The following TBC1D14 variants were observed in gnomAD, a reference collection of about 807,000 sequenced individuals.
TBC1D14 encodes the protein TBC1 domain family, member 14.
A neutral mutation model predicts 79.0 loss-of-function variants in TBC1D14; 26 were observed. That is an observed-to-expected ratio of 0.33 (90% CI 0.24 to 0.46). The LOEUF (loss-of-function observed/expected upper bound fraction) is 0.46. Ranked by LOEUF, TBC1D14 falls within the 20% of genes least tolerant of loss-of-function variation. The pLI is 1.00. For missense variants in TBC1D14, 769 were observed against 887.6 expected (o/e 0.87, Z 1.70); for synonymous variants, 394 against 349.9 (o/e 1.13, Z -1.40).
chr4:6,940,715 G>A (rs962011754), intron 2 of TBC1D14, among the ~76,000 whole-genome samples: 1 of 152,208 alleles, frequency 6.6e-6, no homozygotes, highest in Non-Finnish European at 1.5e-5. Context: ...AGAGAGTGCA[G>A]TCATAGAGCC....
intron 10 of TBC1D14, 129 bp downstream of exon 10, chr4:7,010,077 T>C (rs555033593): frequency 9.7e-7 from 1 of 1,027,578 alleles, no homozygotes; most frequent in Admixed American, 1.8e-5. Context: ...AAAAGTCTCG[T>C]GGTAAGTGAG....
At chr4:6,985,771 C>A (rs918938499) in intron 3 of TBC1D14, among the ~76,000 whole-genome samples, 1 of 152,180 alleles carries the variant, frequency 6.6e-6, no homozygotes, top group East Asian at 1.9e-4. Flanking sequence ...AGAATAACCC[C>A]TACTCCTGCT....
chr4:6,954,180 G>T, intron 2 of TBC1D14: 1 of 659,406 alleles, frequency 1.5e-6, no homozygotes, highest in South Asian at 1.6e-5. Flanking sequence ...GCGAGGGGCG[G>T]GGCTCCGAGT....
At chr4:6,917,417 G>T (rs1207231005) in intron 1 of TBC1D14, among the ~76,000 whole-genome samples, 1 of 152,154 alleles carries the variant, frequency 6.6e-6, no homozygotes, top group Non-Finnish European at 1.5e-5. Flanking sequence ...AGCCCAGGAG[G>T]AAGGAGGCCT....
intron 12 of TBC1D14, 39 bp downstream of exon 12, chr4:7,014,596 C>G: frequency 7.2e-7 from 1 of 1,397,278 alleles, no homozygotes; most frequent in Non-Finnish European, 1.0e-6. Flanking sequence ...GAGCATTTCT[C>G]AGCCCTTGTC....
At chr4:6,915,350 G>C (rs546920500) in intron 1 of TBC1D14, among the ~76,000 whole-genome samples, 9 of 152,316 alleles carry the variant, frequency 5.9e-5, no homozygotes, top group Admixed American at 2.6e-4. Flanking sequence ...TGCGACCGGG[G>C]TAGGGGGTTG....
chr4:6,930,619 G>A (rs1418246145), intron 2 of TBC1D14, among the ~76,000 whole-genome samples: 2 of 152,024 alleles, frequency 1.3e-5, no homozygotes, highest in African/African-American at 2.4e-5. Context: ...CTAACATGGC[G>A]AAACTCCATC....
intron 1 of TBC1D14, among the ~76,000 whole-genome samples, chr4:6,916,740 A>G (rs1365167119): frequency 1.3e-5 from 2 of 152,184 alleles, no homozygotes; most frequent in African/African-American, 2.4e-5. Context: ...TGGAATGGAA[A>G]CAGTCTTCCT....
chr4:6,996,412 T>C lies in TBC1D14; in HGVS notation c.1045+5T>C. 6.2e-7 allele frequency: 1 copy of C among 1,610,388 alleles called. No individual in the cohort carries two copies. Among genetic ancestry groups the C allele is most frequent in the African/African-American group, 1.3e-5 (1 of 74,896 alleles). ...TGGTTCAGGCCAAAAAGCGAGGTAA[T>C]GGGGTTCACACTTGATGGGTTAAAT... On this transcript the variant is annotated splice_donor_5th_base_variant and intron_variant, in intron 5 of 13. Coordinates refer to ENST00000409757, the MANE Select transcript of TBC1D14 (RefSeq NM_020773.3).
At chr4:6,914,896 G>A (rs1384299319) in intron 1 of TBC1D14, among the ~76,000 whole-genome samples, 1 of 152,116 alleles carries the variant, frequency 6.6e-6, no homozygotes, top group African/African-American at 2.4e-5. Flanking sequence ...AAAATTAGCC[G>A]GGCGTGGTGG....
At chr4:6,927,345 T>A (rs1186451360) in intron 2 of TBC1D14, among the ~76,000 whole-genome samples, 1 of 152,092 alleles carries the variant, frequency 6.6e-6, no homozygotes, top group African/African-American at 2.4e-5. Flanking sequence ...GAGTTCATGC[T>A]GGCTGGGTTT....
chr4:7,015,934 G>A (rs910709867), intron 12 of TBC1D14, among the ~76,000 whole-genome samples: 3 of 152,216 alleles, frequency 2.0e-5, no homozygotes, highest in South Asian at 2.1e-4. Flanking sequence ...CCACTAAATC[G>A]TATGGTAAAT....
chr4:6,988,473 C>T lies in TBC1D14; in HGVS notation c.844-5711C>T, dbSNP rs1577128293. ...TGGCTCAGACCAGGCCTGCCGCTGT[C>T]CCCCAGCGCTTCCCTGGGTCCTCAG... On this transcript the variant is annotated intron_variant, in intron 3 of 13. Coordinates refer to ENST00000409757, the MANE Select transcript of TBC1D14 (RefSeq NM_020773.3). Among the ~76,000 whole-genome samples the T allele has an allele frequency of 3.9e-5, 6 of 152,342 alleles. No individual in the cohort carries two copies. In the South Asian group the frequency reaches 1.2e-3, roughly 32 times the overall value.
chr4:6,920,141 A>G (rs193020754), intron 1 of TBC1D14, among the ~76,000 whole-genome samples: 9 of 152,190 alleles, frequency 5.9e-5, no homozygotes, highest in Admixed American at 4.6e-4. Flanking sequence ...TCAAATATTT[A>G]TATATAGTTG....
chr4:6,944,444 A>G (rs955473502), intron 2 of TBC1D14, among the ~76,000 whole-genome samples: 1 of 152,158 alleles, frequency 6.6e-6, no homozygotes, highest in Non-Finnish European at 1.5e-5. Flanking sequence ...TGATTTCCTT[A>G]GGACCGAGTT....
At chr4:6,926,881 C>T (rs1285427930) in intron 2 of TBC1D14, among the ~76,000 whole-genome samples, 2 of 152,236 alleles carry the variant, frequency 1.3e-5, no homozygotes, top group African/African-American at 2.4e-5. Flanking sequence ...GGGTTCCCAG[C>T]CCTGGCTTCT....
At chr4:6,937,564 T>G (rs1712459271) in intron 2 of TBC1D14, among the ~76,000 whole-genome samples, 1 of 151,884 alleles carries the variant, frequency 6.6e-6, no homozygotes, top group African/African-American at 2.4e-5. Context: ...TGTGGGAGAA[T>G]GGATAGAGAG....
chr4:7,030,235 C>A, intron 13 of TBC1D14, 92 bp from the exon 14 acceptor site: 2 of 1,241,596 alleles, frequency 1.6e-6, no homozygotes, highest in Non-Finnish European at 2.4e-6. Context: ...CCGGGGGACC[C>A]TGTTAGGAGG....
At chr4:6,977,089 C>CTCT (rs1310806695) in intron 3 of TBC1D14, among the ~76,000 whole-genome samples, 348 of 19,274 alleles carry the variant, frequency 0.018, 3 homozygotes, top group Middle Eastern at 0.038. Context: ...CTCCCTCTCC[C>CTCT]CACTGTCTCC....
Sources: gnomAD v4.1 joint callset for allele counts (sites outside exome capture counted in the v4.1 genomes callset) on GRCh38, gnomAD v4.1.1 for gene constraint, MANE v1.5 for transcripts, NCBI Gene and HGNC (gene_info 2026-07-23, HGNC 2026-07-21) for gene names.